The following MYBPC1 variants were observed in gnomAD, a reference collection of about 807,000 sequenced individuals.
The protein encoded by MYBPC1 is myosin binding protein C1, also known as myosin-binding protein C, slow-type.
In MYBPC1, 52 loss-of-function variants were observed where a neutral mutation model predicts 147.1. The ratio of observed to expected loss-of-function variants is 0.35; its 90% CI spans 0.28 to 0.45. The LOEUF is 0.45. MYBPC1 is among the 20% of genes least tolerant of loss of function. The pLI is 1.00. For missense variants in MYBPC1, 1,228 were observed against 1,440.3 expected (o/e 0.85, Z 2.39); for synonymous variants, 477 against 475.9 (o/e 1.00, Z -0.03).
rs565859167 is a variant in MYBPC1 at position 101,663,822 on chromosome 12, A to C, written c.2356+262A>C. Among the ~76,000 whole-genome samples, 4 of 152,334 alleles carry C rather than the reference A, an allele frequency of 2.6e-5. No individual in the cohort carries two copies. The South Asian group carries it at 8.3e-4, about 32-fold the overall frequency. ...CTAAGAGATGGGAGGAAGAGATTGTAACAAAACTTTGGGGACTTCCACTTC... is the reference window on the plus strand; with the variant it reads ...CTAAGAGATGGGAGGAAGAGATTGTCACAAAACTTTGGGGACTTCCACTTC... On this transcript the variant is annotated intron_variant, in intron 22 of 31. Transcript: ENST00000361466.
Position 101,649,336 on chromosome 12 carries a change from T to C in MYBPC1, c.1273T>C (p.Leu425=). ...RIRVEGKKHI[L]IIEGATKADA... ...TAGAGTTGAGGGTAAAAAACACATC[T>C]TGATCATAGAGGGAGCAACAAAGGC... The change falls in exon 15 of 32, where the codon TTG becomes CTG. Residue 425 remains leucine, a synonymous_variant. Transcript: ENST00000361466. The C allele has an allele frequency of 1.9e-6, 3 of 1,613,992 alleles. No individual in the cohort carries two copies. Among genetic ancestry groups the C allele is most frequent in the Non-Finnish European group, 2.5e-6 (3 of 1,179,890 alleles).
At chr12:101,644,927 C>T in intron 12 of MYBPC1, 131 bp downstream of exon 12, 1 of 909,858 alleles carries the variant, frequency 1.1e-6, no homozygotes, top group East Asian at 2.7e-5. Flanking sequence ...AGAGAGTAAA[C>T]ATTTAAGTCA....
At chr12:101,671,571 G>A (rs1193659873) in intron 24 of MYBPC1, among the ~76,000 whole-genome samples, 1 of 152,196 alleles carries the variant, frequency 6.6e-6, no homozygotes, top group Admixed American at 6.5e-5. Flanking sequence ...GGGTGGCTTG[G>A]CAAGGTTCTT....
intron 5 of MYBPC1, chr12:101,628,151 T>C (rs568249431): frequency 3.7e-5 from 12 of 321,404 alleles, no homozygotes; most frequent in Non-Finnish European, 7.3e-5. Context: ...TAAAACATTT[T>C]CAAATGCATC....
In MYBPC1 at chr12:101,638,082, C is replaced by T. The variant is rs574885467; in HGVS notation, c.665+1354C>T. Among the ~76,000 whole-genome samples the T allele has an allele frequency of 3.3e-5, 5 of 152,300 alleles. No homozygotes were observed. The South Asian group carries it at 1.0e-3, about 32-fold the overall frequency. ...AGGGCCAGGACCCAAACCCAAGTTT[C>T]CCTTTTATGAGTCAGCTCATTTCCT... On this transcript the variant is annotated intron_variant, in intron 10 of 31. Coordinates refer to ENST00000361466, the MANE Select transcript of MYBPC1 (RefSeq NM_002465.4).
the MYBPC1 span, among the ~76,000 whole-genome samples, chr12:101,692,466 G>C: frequency 6.6e-6 from 1 of 152,188 alleles, no homozygotes; most frequent in Non-Finnish European, 1.5e-5. Context: ...ACACGGGCTT[G>C]AATCCTGGCT....
Position 101,594,994 on chromosome 12 carries a change from T to G in MYBPC1, c.-77T>G. Reference sequence around the variant, plus strand: ...TTGTCACACCGACCTGCACCATCTCTCGCCTGCCTGTGGGGTTTCTGTCAA... The same window carrying G: ...TTGTCACACCGACCTGCACCATCTCGCGCCTGCCTGTGGGGTTTCTGTCAA... On this transcript the variant is annotated 5_prime_UTR_variant, in exon 1 of 32. Coordinates refer to ENST00000361466, the MANE Select transcript of MYBPC1 (RefSeq NM_002465.4). 2.1e-6 allele frequency: 3 copies of G among 1,445,788 alleles called. No individual in the cohort carries two copies. Among genetic ancestry groups the G allele is most frequent in the Non-Finnish European group, 2.9e-6 (3 of 1,028,910 alleles). The allele number at this position is 1,445,788 out of a possible 1,614,324, so 89.6% of individuals were successfully genotyped here.
chr12:101,657,661 A>G (rs1050974990), intron 18 of MYBPC1, among the ~76,000 whole-genome samples: 1 of 152,238 alleles, frequency 6.6e-6, no homozygotes, highest in Non-Finnish European at 1.5e-5. Context: ...AGGCAATCAG[A>G]AAAGGATTAT....
rs957733355 is a variant in MYBPC1, at chr12:101,659,958, T to C, written c.1927+127T>C. 3 of 1,263,708 alleles carry C rather than the reference T, an allele frequency of 2.4e-6. No homozygotes were observed. The African/African-American group carries it at 4.5e-5, about 19-fold the overall frequency. The allele number at this position is 1,263,708 out of a possible 1,614,324, so 78.3% of individuals were successfully genotyped here. On this transcript the variant is annotated intron_variant, in intron 19 of 31. Transcript: ENST00000361466. The stretch of plus-strand genomic sequence containing the variant: ...CTTTCCCTTATCTTCTTTTTTTTTC[T>C]TGCCTAGAGGACTTATCATTGGAGA...
chr12:101,687,987 G>A (rs112920767), downstream of MYBPC1, among the ~76,000 whole-genome samples: 1,190 of 152,264 alleles, frequency 7.8e-3, 13 homozygotes, highest in African/African-American at 0.027. Context: ...AAAGTCTATT[G>A]TGAAACTGCA....
At chr12:101,688,418 CA>C (rs965548787), downstream of MYBPC1, among the ~76,000 whole-genome samples, 11 of 150,910 alleles carry the variant, frequency 7.3e-5, no homozygotes, top group Admixed American at 1.3e-4. Context: ...GACCCTGTCT[CA>C]AAAAAAAATT....
rs1876666609 is a variant in MYBPC1, at chr12:101,595,103, T to C, written c.25+8T>C. On this transcript the variant is annotated splice_region_variant and intron_variant, in intron 1 of 31. Transcript: ENST00000361466. ...AACCCACTAAGAAAGAGGGTAAGAC[T>C]TATCTAGAAATCTTTTTGTTGTACT... 6.2e-7 allele frequency: 1 copy of C among 1,610,200 alleles called. No homozygotes were observed. Among genetic ancestry groups the C allele is most frequent in the African/African-American group, 1.3e-5 (1 of 74,824 alleles).
downstream of MYBPC1, among the ~76,000 whole-genome samples, chr12:101,687,175 T>A (rs933465796): frequency 6.6e-6 from 1 of 152,098 alleles, no homozygotes; most frequent in Non-Finnish European, 1.5e-5. Flanking sequence ...CTGCACCCAT[T>A]AACTCATCAT....
chr12:101,607,990 C>G (rs938546946), intron 1 of MYBPC1, among the ~76,000 whole-genome samples: 1 of 152,300 alleles, frequency 6.6e-6, no homozygotes, highest in Non-Finnish European at 1.5e-5. Context: ...TGCAGCAGCA[C>G]AAAGGCCACA....
Position 101,653,241 on chromosome 12 carries a change from G to C in MYBPC1, c.1760G>C (p.Gly587Ala). ...CCTCCTAAAGCCATGTGGAGCCGGG[G>C]AGATAAGGTTTGTTTTATGCTTGCA... is the stretch of plus-strand genomic sequence containing the variant. ...EPPPKAMWSR[G>A]DKAIMEGSGR... The change falls in exon 18 of 32, where the codon GGA becomes GCA. Residue 587 changes from glycine (G) to alanine (A), a missense_variant. By Grantham distance (60) the Gly-to-Ala change is moderately conservative. This residue lies in a region of MYBPC1 where 1,077 missense variants were observed against 1,314.2 expected (regional missense o/e 0.82). Transcript: ENST00000361466. 1 of 1,613,916 alleles carries C rather than the reference G, an allele frequency of 6.2e-7. No individual in the cohort carries two copies. Among genetic ancestry groups the C allele is most frequent in the Non-Finnish European group, 8.5e-7 (1 of 1,180,014 alleles).
intron 1 of MYBPC1, among the ~76,000 whole-genome samples, chr12:101,607,881 T>C (rs191592270): frequency 2.8e-4 from 42 of 152,330 alleles, no homozygotes; most frequent in Non-Finnish European, 5.1e-4. Flanking sequence ...TTTTCCCCTT[T>C]AAGTTACTGG....
chr12:101,668,526 A>G (rs980919282), intron 23 of MYBPC1, among the ~76,000 whole-genome samples: 1 of 152,080 alleles, frequency 6.6e-6, no homozygotes, highest in Non-Finnish European at 1.5e-5. Context: ...CAATGGCACA[A>G]TCTTGGCCAC....
chr12:101,616,300 C>T (rs1398736677), intron 2 of MYBPC1, among the ~76,000 whole-genome samples: 1 of 152,166 alleles, frequency 6.6e-6, no homozygotes, highest in Non-Finnish European at 1.5e-5. Flanking sequence ...CTTTGACCAA[C>T]ATTGAGTACA....
chr12:101,642,655 C>T lies in MYBPC1; in HGVS notation c.832+70C>T, dbSNP rs1163771391. 5 of 1,510,222 alleles carry T rather than the reference C, an allele frequency of 3.3e-6. No homozygotes were observed. In the African/African-American group the frequency reaches 5.5e-5, roughly 17 times the overall value. 93.6% of individuals were successfully genotyped at this position (1,510,222 alleles called of 1,614,324 possible). ...CGTTCGAAAGCCTTGACCGTGAACC[C>T]CATCCCGAGCTCCTTCCAGTCTCCC... On this transcript the variant is annotated intron_variant, in intron 11 of 31. Coordinates refer to ENST00000361466, the MANE Select transcript of MYBPC1 (RefSeq NM_002465.4).
Sources: gnomAD v4.1 joint callset for allele counts (sites outside exome capture counted in the v4.1 genomes callset) on GRCh38, gnomAD v4.1.1 for gene constraint, gnomAD v4.1.1 regional missense constraint, MANE v1.5 for transcripts, NCBI Gene and HGNC (gene_info 2026-07-23, HGNC 2026-07-21) for gene names.